Variants in NANOGNB observed in about 807,000 individuals in gnomAD.
NANOGNB encodes the protein homeobox C14.
A neutral mutation model predicts 25.0 loss-of-function variants in NANOGNB; 30 were observed. That is an observed-to-expected ratio of 1.20 (90% CI 0.90 to 1.63). NANOGNB has a LOEUF of 1.63. NANOGNB is among the 40% of genes most tolerant of loss of function. NANOGNB has a pLI of 0.00. For missense variants in NANOGNB, 200 were observed against 188.1 expected (o/e 1.06, Z -0.37); for synonymous variants, 84 against 62.1 (o/e 1.35, Z -1.66).
At chr12:7,766,492 C>T (rs1565470878) in intron 1 of NANOGNB, among the ~76,000 whole-genome samples, 2 of 152,164 alleles carry the variant, frequency 1.3e-5, no homozygotes, top group African/African-American at 4.8e-5. Context: ...AAACAGCAAA[C>T]AAACAAAACA....
chr12:7,773,544 T>TCCAAAAAAA (rs1565472370), intron 3 of NANOGNB, among the ~76,000 whole-genome samples: 3 of 6,262 alleles, frequency 4.8e-4, no homozygotes, highest in African/African-American at 1.5e-3. Context: ...CTACTAAAAA[T>TCCAAAAAAA]ACAAAAAAAA....
intron 1 of NANOGNB, among the ~76,000 whole-genome samples, chr12:7,766,841 T>C (rs1315223190): frequency 6.6e-6 from 1 of 151,680 alleles, no homozygotes; most frequent in African/African-American, 2.4e-5. Flanking sequence ...GTTTTGTTGT[T>C]GTTTGTTTGT....
intron 3 of NANOGNB, 107 bp from the exon 4 acceptor site, chr12:7,773,693 C>T: frequency 2.1e-6 from 1 of 483,880 alleles, no homozygotes; most frequent in Non-Finnish European, 3.5e-6. Context: ...CCATTGCACT[C>T]CAGCTTGGGT....
rs552726035 is a variant in NANOGNB, at chr12:7,765,426, T to C, written c.102+39T>C. The C allele has an allele frequency of 1.4e-3, 490 of 358,616 alleles. 4 individuals are homozygous for C. The highest frequency in any genetic ancestry group is 4.1e-3 in the South Asian group (193 of 47,590). 22.2% of individuals were successfully genotyped at this position (358,616 alleles called of 1,614,324 possible). A position where few individuals can be genotyped will look rare whatever the true frequency, so the allele number is the denominator to read the frequency against. ...TCTACTAAAAATACAAAAAATTAGC[T>C]GGGCGTGGTGGCGGGCGCCTGTAGT... is the stretch of plus-strand genomic sequence containing the variant. On this transcript the variant is annotated intron_variant, in intron 1 of 3. Transcript: ENST00000382119.
intron 1 of NANOGNB, among the ~76,000 whole-genome samples, chr12:7,767,123 G>A (rs1314659888): frequency 4.6e-5 from 7 of 152,142 alleles, no homozygotes. Flanking sequence ...TTACAGGCGG[G>A]AACCACCGTG....
At chr12:7,767,979 C>G (rs760913561) in intron 1 of NANOGNB, among the ~76,000 whole-genome samples, 5 of 152,122 alleles carry the variant, frequency 3.3e-5, no homozygotes, top group Non-Finnish European at 5.9e-5. Flanking sequence ...TCCCAAAGTG[C>G]TGGGATTACA....
intron 1 of NANOGNB, among the ~76,000 whole-genome samples, chr12:7,766,872 G>A (rs968944064): frequency 3.9e-5 from 6 of 152,012 alleles, no homozygotes; most frequent in African/African-American, 1.4e-4. Flanking sequence ...ACTGAGTTTT[G>A]CTCTGTTGCC....
rs1267447451 is a variant in NANOGNB, at chr12:7,765,232, C to G, written c.-54C>G. ...ATGGATGACATCTACCTTATCTGGT[C>G]GGTCATCTCTGTAACCTCCCTACCA... On this transcript the variant is annotated 5_prime_UTR_variant, in exon 1 of 4. Transcript: ENST00000382119. 1.4e-5 allele frequency: 18 copies of G among 1,285,826 alleles called. No homozygotes were observed. In the African/African-American group the frequency reaches 1.5e-4, roughly 11 times the overall value. The allele number at this position is 1,285,826 out of a possible 1,614,324, so 79.7% of individuals were successfully genotyped here. A position where few individuals can be genotyped will look rare whatever the true frequency, so the allele number is the denominator to read the frequency against.
chr12:7,771,923 A>T (rs79413434), intron 3 of NANOGNB, among the ~76,000 whole-genome samples: 1,699 of 152,174 alleles, frequency 0.011, 38 homozygotes, highest in African/African-American at 0.038. Context: ...GCCTGGACTC[A>T]CTTGATCATT....
Position 7,773,987 on chromosome 12 carries a change from T to C in NANOGNB, c.*136T>C, listed in dbSNP as rs1862613237. ...TAAACAAGAAAACATTAACAGTCGT[T>C]GATTCCGTGGAGTAGAACTAAATGA... is the stretch of plus-strand genomic sequence containing the variant. On this transcript the variant is annotated 3_prime_UTR_variant, in exon 4 of 4. Coordinates refer to ENST00000382119, the MANE Select transcript of NANOGNB (RefSeq NM_001145465.1). The C allele has an allele frequency of 8.8e-6, 4 of 453,336 alleles. No homozygotes were observed. Among genetic ancestry groups the C allele is most frequent in the Non-Finnish European group, 1.5e-5 (4 of 259,148 alleles). 28.1% of individuals were successfully genotyped at this position (453,336 alleles called of 1,614,324 possible). A position where few individuals can be genotyped will look rare whatever the true frequency, so the allele number is the denominator to read the frequency against.
intron 1 of NANOGNB, chr12:7,766,320 A>G (rs1382033088): frequency 2.8e-5 from 11 of 389,016 alleles, no homozygotes; most frequent in East Asian, 2.5e-4. Context: ...CAAAAATACA[A>G]CAATTAGCCG....
At position 7,774,028 on chromosome 12, in the gene NANOGNB, G is replaced by A. The variant is rs1174835273; in HGVS notation, c.*177G>A. 7.5e-6 allele frequency: 3 copies of A among 402,432 alleles called. No individual in the cohort carries two copies. The highest frequency in any genetic ancestry group is 1.3e-5 in the Non-Finnish European group (3 of 229,020). 24.9% of individuals were successfully genotyped at this position (402,432 alleles called of 1,614,324 possible). ...AACTAAATGAGGGGTATGCAAAGGA[G>A]TTTTTATGTGTTTTATTTTTACCCT... On this transcript the variant is annotated 3_prime_UTR_variant, in exon 4 of 4. Coordinates refer to ENST00000382119, the MANE Select transcript of NANOGNB (RefSeq NM_001145465.1).
intron 3 of NANOGNB, among the ~76,000 whole-genome samples, chr12:7,772,003 G>A (rs780494312): frequency 2.0e-5 from 3 of 152,232 alleles, no homozygotes; most frequent in South Asian, 2.1e-4. Context: ...TACCAACACC[G>A]AGGGAATGAC....
intron 3 of NANOGNB, 25 bp from the exon 4 acceptor site, chr12:7,773,775 T>A (rs903861753): frequency 3.0e-4 from 111 of 368,788 alleles, no homozygotes; most frequent in African/African-American, 2.8e-3. Context: ...GCGAAACTCT[T>A]TTTTTTTTTT....
Position 7,769,004 on chromosome 12 carries a change from G to C in NANOGNB, c.103-979G>C, listed in dbSNP as rs755689609. On this transcript the variant is annotated intron_variant, in intron 1 of 3. Coordinates refer to ENST00000382119, the MANE Select transcript of NANOGNB (RefSeq NM_001145465.1). ...TCAAGTAAAAGGGATTATAATCTGAGAAAGCCTAATCCAATCAGTTAAGGC... is the reference window on the plus strand; with the variant it reads ...TCAAGTAAAAGGGATTATAATCTGACAAAGCCTAATCCAATCAGTTAAGGC... Among the ~76,000 whole-genome samples, 9 of 152,168 alleles carry C rather than the reference G, an allele frequency of 5.9e-5. 1 individual carries two copies. The South Asian group carries it at 1.9e-3, about 32-fold the overall frequency.
chr12:7,772,437 C>G (rs750654154), intron 3 of NANOGNB, among the ~76,000 whole-genome samples: 95 of 152,046 alleles, frequency 6.2e-4, no homozygotes, highest in African/African-American at 2.2e-3. Flanking sequence ...GCCACCACGC[C>G]CAGCTAAGTT....
chr12:7,767,959 C>A (rs949922222), intron 1 of NANOGNB, among the ~76,000 whole-genome samples: 4 of 151,950 alleles, frequency 2.6e-5, no homozygotes, highest in Non-Finnish European at 5.9e-5. Context: ...GCAGTCCTCT[C>A]GCCTCGGCCT....
chr12:7,771,769 C>T (rs534074160), intron 3 of NANOGNB, among the ~76,000 whole-genome samples: 12 of 152,130 alleles, frequency 7.9e-5, no homozygotes, highest in South Asian at 2.1e-4. Flanking sequence ...TACAGGCACG[C>T]GCCACTATGC....
intron 1 of NANOGNB, among the ~76,000 whole-genome samples, chr12:7,766,355 C>T (rs931722493): frequency 6.6e-6 from 1 of 152,136 alleles, no homozygotes; most frequent in Non-Finnish European, 1.5e-5. Context: ...CGCCTGTAGT[C>T]CCAGCTACTC....
Sources: allele counts gnomAD v4.1 joint callset (sites outside exome capture counted in the v4.1 genomes callset), GRCh38; gene constraint gnomAD v4.1.1; transcripts MANE v1.5; gene names NCBI Gene and HGNC (gene_info 2026-07-23, HGNC 2026-07-21).